Variants in FRMD4A observed in about 807,000 individuals in gnomAD.
The protein encoded by FRMD4A is FERM domain containing 4A, also known as FERM domain-containing protein 4A.
A neutral mutation model predicts 129.1 loss-of-function variants in FRMD4A; 29 were observed. The ratio of observed to expected loss-of-function variants is 0.22; its 90% CI spans 0.17 to 0.31. The LOEUF (loss-of-function observed/expected upper bound fraction) is 0.31, where lower values mean the gene tolerates loss of function less well. Ranked by LOEUF, FRMD4A falls within the 10% of genes least tolerant of loss-of-function variation. FRMD4A has a pLI of 1.00. For synonymous variants in FRMD4A, 634 were observed against 571.6 expected, an observed-to-expected ratio of 1.11 and a Z score of -1.56; for missense variants, 1,272 against 1,375.8, an observed-to-expected ratio of 0.92 and a Z score of 1.19.
intron 5 of FRMD4A, among the ~76,000 whole-genome samples, chr10:13,793,848 G>C (rs61833392): frequency 0.014 from 2,159 of 152,308 alleles, 18 homozygotes; most frequent in Non-Finnish European, 0.022. Context: ...TGAAAAGCAA[G>C]GTAAAGAGAC....
At chr10:14,121,212 A>G (rs952174148) in intron 2 of FRMD4A, among the ~76,000 whole-genome samples, 1 of 152,138 alleles carries the variant, frequency 6.6e-6, no homozygotes, top group African/African-American at 2.4e-5. Flanking sequence ...TAGTAAACAT[A>G]CAAAAGTTAG....
At chr10:14,290,570 A>C (rs1845819470) in intron 2 of FRMD4A, among the ~76,000 whole-genome samples, 1 of 152,120 alleles carries the variant, frequency 6.6e-6, no homozygotes, top group Non-Finnish European at 1.5e-5. Context: ...TCATATGCAC[A>C]TATAAATCAA....
intron 3 of FRMD4A, among the ~76,000 whole-genome samples, chr10:13,841,194 T>A (rs2093959655): frequency 6.6e-6 from 1 of 152,198 alleles, no homozygotes; most frequent in South Asian, 2.1e-4. Flanking sequence ...TTAACTTTTG[T>A]CTTGTTTCAA....
At chr10:14,126,908 G>T (rs1194836360) in intron 2 of FRMD4A, among the ~76,000 whole-genome samples, 1 of 152,126 alleles carries the variant, frequency 6.6e-6, no homozygotes, top group Non-Finnish European at 1.5e-5. Context: ...TGTGGCTCGG[G>T]TTCCTTGGCC....
intron 2 of FRMD4A, among the ~76,000 whole-genome samples, chr10:14,056,611 G>A (rs781060490): frequency 2.4e-4 from 37 of 151,954 alleles, no homozygotes; most frequent in Non-Finnish European, 3.4e-4. Context: ...TTCTCCAGTC[G>A]CATCCTCTGT....
chr10:13,934,188 G>A (rs1266651175), intron 2 of FRMD4A, among the ~76,000 whole-genome samples: 1 of 152,210 alleles, frequency 6.6e-6, no homozygotes, highest in African/African-American at 2.4e-5. Flanking sequence ...GGACAAGAAA[G>A]TGCTTTGTTT....
chr10:14,141,432 A>G (rs1245099667), intron 2 of FRMD4A, among the ~76,000 whole-genome samples: 1 of 152,138 alleles, frequency 6.6e-6, no homozygotes, highest in African/African-American at 2.4e-5. Context: ...TGCCCATTGT[A>G]TGATTTTATA....
intron 2 of FRMD4A, among the ~76,000 whole-genome samples, chr10:14,185,483 T>G (rs557898964): frequency 2.0e-5 from 3 of 152,238 alleles, no homozygotes; most frequent in Admixed American, 2.0e-4. Context: ...TACAACATTT[T>G]GTAATTTTTC....
At chr10:14,156,459 A>G (rs1017769336) in intron 2 of FRMD4A, among the ~76,000 whole-genome samples, 1 of 152,336 alleles carries the variant, frequency 6.6e-6, no homozygotes, top group African/African-American at 2.4e-5. Flanking sequence ...TATACTTGCA[A>G]TATTGTTTAT....
At chr10:14,154,502 G>A (rs1342753199) in intron 2 of FRMD4A, among the ~76,000 whole-genome samples, 2 of 152,030 alleles carry the variant, frequency 1.3e-5, no homozygotes, top group African/African-American at 2.4e-5. Flanking sequence ...CTTAACTTTA[G>A]TTCCTTAAAT....
chr10:13,931,353 C>T (rs984764822), intron 2 of FRMD4A, among the ~76,000 whole-genome samples: 2 of 152,154 alleles, frequency 1.3e-5, no homozygotes, highest in Admixed American at 6.5e-5. Flanking sequence ...ATGACTCTAG[C>T]TAGCAAGAGC....
intron 2 of FRMD4A, among the ~76,000 whole-genome samples, chr10:14,162,958 A>G (rs1014283359): frequency 1.3e-5 from 2 of 152,180 alleles, no homozygotes; most frequent in Admixed American, 1.3e-4. Context: ...CGGCATGGCC[A>G]TTCGAATCTC....
At chr10:14,021,396 AT>A (rs201519569) in intron 2 of FRMD4A, among the ~76,000 whole-genome samples, 2,593 of 147,184 alleles carry the variant, frequency 0.018, 85 homozygotes, top group African/African-American at 0.064. Flanking sequence ...AAAAAAAAAA[AT>A]AATAAAAAAA....
chr10:14,077,073 C>T (rs1013671670), intron 2 of FRMD4A, among the ~76,000 whole-genome samples: 4 of 152,070 alleles, frequency 2.6e-5, no homozygotes, highest in Admixed American at 6.6e-5. Flanking sequence ...GAGGACTTTG[C>T]GTTTTCCATC....
At chr10:14,004,397 C>T (rs976095949) in intron 2 of FRMD4A, among the ~76,000 whole-genome samples, 1 of 152,124 alleles carries the variant, frequency 6.6e-6, no homozygotes, top group Non-Finnish European at 1.5e-5. Context: ...ATAAAATTAT[C>T]CAAGTGTGGT....
intron 2 of FRMD4A, among the ~76,000 whole-genome samples, chr10:14,164,147 C>T (rs954048370): frequency 6.6e-6 from 1 of 152,236 alleles, no homozygotes; most frequent in African/African-American, 2.4e-5. Context: ...AGCCCAGCAG[C>T]GACATAGCTG....
At chr10:14,022,469 G>T (rs1454503813) in intron 2 of FRMD4A, among the ~76,000 whole-genome samples, 4 of 152,198 alleles carry the variant, frequency 2.6e-5, no homozygotes, top group Non-Finnish European at 5.9e-5. Context: ...ACTTTGTCTA[G>T]CTGCCTGAAT....
intron 2 of FRMD4A, among the ~76,000 whole-genome samples, chr10:14,308,499 G>A (rs1846427877): frequency 2.0e-5 from 3 of 152,108 alleles, no homozygotes; most frequent in Non-Finnish European, 2.9e-5. Context: ...AATTATGCAG[G>A]AGCAGATTGA....
At chr10:13,723,530 G>C (rs750825264) in intron 12 of FRMD4A, among the ~76,000 whole-genome samples, 3 of 152,212 alleles carry the variant, frequency 2.0e-5, no homozygotes, top group Non-Finnish European at 4.4e-5. Context: ...GTTGCGCAAT[G>C]ATGGGGATAT....
Sources: allele counts gnomAD v4.1 joint callset (sites outside exome capture counted in the v4.1 genomes callset), GRCh38; gene constraint gnomAD v4.1.1; transcripts MANE v1.5; gene names NCBI Gene and HGNC (gene_info 2026-07-23, HGNC 2026-07-21).